Variants in SDC1 observed in about 807,000 individuals in gnomAD.
SDC1 encodes syndecan-1.
Under a neutral mutation model 29.7 loss-of-function variants are expected in SDC1, and 14 were observed. The observed-to-expected ratio is 0.47, with a 90% CI of 0.31 to 0.74. The LOEUF (loss-of-function observed/expected upper bound fraction) is 0.74. Among genes scored for constraint, SDC1 ranks in the 30% least tolerant of loss-of-function variants. The probability of loss-of-function intolerance (pLI) is 0.05; values close to 1 mark genes in which losing one functional copy is unlikely to be tolerated. For synonymous variants in SDC1, 204 were observed against 175.5 expected (o/e 1.16, Z -1.29); for missense variants, 406 against 400.3 (o/e 1.01, Z -0.12).
chr2:20,222,924 G>A (rs1228741976), intron 1 of SDC1, among the ~76,000 whole-genome samples: 1 of 152,214 alleles, frequency 6.6e-6, no homozygotes, highest in Non-Finnish European at 1.5e-5. Flanking sequence ...CGAGAATGGG[G>A]CAGTGAGGTG....
rs377649114 is a variant in SDC1, at chr2:20,209,769, A to G, written c.67-4345T>C. 6.4e-4 allele frequency among the ~76,000 whole-genome samples: 98 copies of G among 152,378 alleles called. No individual in the cohort carries two copies. The East Asian group carries it at 0.018, about 28-fold the overall frequency. The stretch of plus-strand genomic sequence containing the variant: ...CTCAGCAGAGCCCCTTGTCCTGGCC[A>G]GCCCTGGGGCTAAGGGGCAGCTGCG... On this transcript the variant is annotated intron_variant, in intron 1 of 4. Transcript: ENST00000254351.
intron 1 of SDC1, among the ~76,000 whole-genome samples, chr2:20,211,304 G>C (rs997203330): frequency 3.9e-5 from 6 of 152,226 alleles, no homozygotes; most frequent in African/African-American, 1.4e-4. Context: ...ATCCCCCAGA[G>C]TGGCCCAGCC....
At chr2:20,223,009 C>T (rs1387170692) in intron 1 of SDC1, among the ~76,000 whole-genome samples, 4 of 152,182 alleles carry the variant, frequency 2.6e-5, no homozygotes, top group Admixed American at 2.6e-4. Context: ...ACTCCAAGCA[C>T]AGTCTCAGTT....
At chr2:20,225,342 C>T (rs1489274959), upstream of SDC1, 1 of 152,602 alleles carries the variant, frequency 6.6e-6, no homozygotes, top group Non-Finnish European at 1.5e-5. Context: ...CCCGGCCTTT[C>T]AGCTCGGCTG....
intron 1 of SDC1, among the ~76,000 whole-genome samples, chr2:20,208,473 C>A (rs1219128776): frequency 1.3e-5 from 2 of 152,250 alleles, no homozygotes; most frequent in Non-Finnish European, 2.9e-5. Flanking sequence ...CCTCCCAAAT[C>A]TTCTCCAGCT....
intron 1 of SDC1, among the ~76,000 whole-genome samples, chr2:20,209,763 C>T (rs1677401546): frequency 1.3e-5 from 2 of 152,270 alleles, no homozygotes; most frequent in Non-Finnish European, 2.9e-5. Flanking sequence ...GCCCCTTGTC[C>T]TGGCCAGCCC....
Position 20,213,530 on chromosome 2 carries a change from A to T in SDC1, c.67-8106T>A, listed in dbSNP as rs926628588. 3.3e-5 allele frequency among the ~76,000 whole-genome samples: 5 copies of T among 152,316 alleles called. No homozygotes were observed. In the East Asian group the frequency reaches 9.7e-4, roughly 29 times the overall value. ...ATGGCTTAGGCAGGATGCCAGAGATATCCTAAATCAAGGTGACCGTGGGGC... is the reference window on the plus strand; with the variant it reads ...ATGGCTTAGGCAGGATGCCAGAGATTTCCTAAATCAAGGTGACCGTGGGGC... On this transcript the variant is annotated intron_variant, in intron 1 of 4. Transcript: ENST00000254351.
At chr2:20,215,758 G>A (rs570883937) in intron 1 of SDC1, among the ~76,000 whole-genome samples, 2 of 152,366 alleles carry the variant, frequency 1.3e-5, no homozygotes, top group East Asian at 1.9e-4. Flanking sequence ...CGATGACACA[G>A]GGAGGAAGCA....
In SDC1 at chr2:20,201,995, A is replaced by C; in HGVS notation, c.*771T>G. The C allele has an allele frequency of 2.6e-6, 1 of 381,880 alleles. No individual in the cohort carries two copies. The highest frequency in any genetic ancestry group is 4.6e-6 in the Non-Finnish European group (1 of 215,854). The allele number at this position is 381,880 out of a possible 1,614,324, so 23.7% of individuals were successfully genotyped here. ...ACAGACCACCAGAAACGGGGCCACCAGACAGATAGTCCATACCCTGTTGCA... is the reference window on the plus strand; with the variant it reads ...ACAGACCACCAGAAACGGGGCCACCCGACAGATAGTCCATACCCTGTTGCA... On this transcript the variant is annotated 3_prime_UTR_variant, in exon 5 of 5. Coordinates refer to ENST00000254351, the MANE Select transcript of SDC1 (RefSeq NM_002997.5).
Position 20,224,509 on chromosome 2 carries a change from G to A in SDC1, c.66+293C>T, listed in dbSNP as rs1677929388. 6.6e-6 allele frequency among the ~76,000 whole-genome samples: 1 copy of A among 151,752 alleles called. No homozygotes were observed. The highest frequency in any genetic ancestry group is 1.5e-5 in the Non-Finnish European group (1 of 67,864). On this transcript the variant is annotated intron_variant, in intron 1 of 4. Coordinates refer to ENST00000254351, the MANE Select transcript of SDC1 (RefSeq NM_002997.5). This position sits in a 1 kb window ranked among gnomAD's most constrained non-coding sequence, Gnocchi z 4.9. ...AGGGTGGGAACGGGCGACCCCGGGC[G>A]CCGCTGTGGGCTGGCGGGCTCCGAC...
chr2:20,223,258 T>C, intron 1 of SDC1: 1 of 1,300,616 alleles, frequency 7.7e-7, no homozygotes, highest in Non-Finnish European at 1.0e-6. Context: ...TGTCCCTACC[T>C]CATCTCCCAT....
At chr2:20,208,029 G>T (rs1050198554) in intron 1 of SDC1, 2 of 985,324 alleles carry the variant, frequency 2.0e-6, no homozygotes, top group Non-Finnish European at 2.4e-6. Flanking sequence ...ATGGGGCAAG[G>T]CACTGGCACT....
intron 1 of SDC1, among the ~76,000 whole-genome samples, chr2:20,210,878 T>A (rs1338272059): frequency 6.6e-6 from 1 of 150,556 alleles, no homozygotes; most frequent in East Asian, 2.0e-4. Flanking sequence ...CATCCCGAGA[T>A]TCCACACAAT....
intron 1 of SDC1, 28 bp from the exon 2 acceptor site, chr2:20,205,452 G>C: frequency 6.3e-7 from 1 of 1,592,704 alleles, no homozygotes; most frequent in Non-Finnish European, 8.6e-7. Flanking sequence ...TATGGTATGA[G>C]TAAAGGCTTG....
At position 20,201,993 on chromosome 2, in the gene SDC1, C is replaced by G. The variant is rs552564110; in HGVS notation, c.*773G>C. On this transcript the variant is annotated 3_prime_UTR_variant, in exon 5 of 5. Coordinates refer to ENST00000254351, the MANE Select transcript of SDC1 (RefSeq NM_002997.5). ...CAACAGACCACCAGAAACGGGGCCA[C>G]CAGACAGATAGTCCATACCCTGTTG... 1.1e-5 allele frequency: 4 copies of G among 377,478 alleles called. No individual in the cohort carries two copies. In the East Asian group the frequency reaches 2.0e-4, roughly 18 times the overall value. 23.4% of individuals were successfully genotyped at this position (377,478 alleles called of 1,614,324 possible).
intron 1 of SDC1, among the ~76,000 whole-genome samples, chr2:20,214,307 T>C (rs1009204028): frequency 3.3e-5 from 5 of 151,816 alleles, no homozygotes; most frequent in African/African-American, 4.9e-5. Flanking sequence ...ACAATTCAGA[T>C]TGAGTAAGCA....
Position 20,224,228 on chromosome 2 carries a change from C to T in SDC1, c.66+574G>A, listed in dbSNP as rs1414498601. ...ACGGCAAGCCCGAGGGCCCTGCAGA[C>T]GCTCGCCCGCGCCCCCCACGCAGCC... is the stretch of plus-strand genomic sequence containing the variant. On this transcript the variant is annotated intron_variant, in intron 1 of 4. Transcript: ENST00000254351. This position sits in a 1 kb window ranked among gnomAD's most constrained non-coding sequence, Gnocchi z 4.9. 1.5e-5 allele frequency: 6 copies of T among 396,568 alleles called. No individual in the cohort carries two copies. The highest frequency in any genetic ancestry group is 3.0e-5 in the Non-Finnish European group (6 of 198,650). The allele number at this position is 396,568 out of a possible 1,614,324, so 24.6% of individuals were successfully genotyped here. A position where few individuals can be genotyped will look rare whatever the true frequency, so the allele number is the denominator to read the frequency against.
In SDC1 at chr2:20,202,687, C is replaced by T. The variant is rs1194977702; in HGVS notation, c.*79G>A. ...GAGGTGGCCTGGTGGCAGGGGAGGC[C>T]AGGGCCTGCAGTTCTTCAAGGAAGA... On this transcript the variant is annotated 3_prime_UTR_variant, in exon 5 of 5. Transcript: ENST00000254351. 5 of 1,408,052 alleles carry T rather than the reference C, an allele frequency of 3.6e-6. No homozygotes were observed. Among genetic ancestry groups the T allele is most frequent in the Non-Finnish European group, 3.9e-6 (4 of 1,033,210 alleles). The allele number at this position is 1,408,052 out of a possible 1,614,324, so 87.2% of individuals were successfully genotyped here.
rs1160770349 is a variant in SDC1 at position 20,203,808 on chromosome 2, C to T, written c.627+5G>A. The T allele has an allele frequency of 5.7e-6, 9 of 1,567,288 alleles. No homozygotes were observed. Among genetic ancestry groups the T allele is most frequent in the Middle Eastern group, 3.9e-4 (2 of 5,156 alleles). On this transcript the variant is annotated splice_donor_5th_base_variant and intron_variant, in intron 3 of 4. Transcript: ENST00000254351. ...AATTTCCCAAGGAATGCAGAGGCCA[C>T]TCACCTGCTCCCCAGAGCCCTCTGC...
Sources: gnomAD v4.1 joint callset for allele counts (sites outside exome capture counted in the v4.1 genomes callset) on GRCh38, gnomAD v4.1.1 for gene constraint, Gnocchi (gnomAD v3.1) non-coding constraint, MANE v1.5 for transcripts, NCBI Gene and HGNC (gene_info 2026-07-23, HGNC 2026-07-21) for gene names.